DMD: variants seen among roughly 807,000 people sequenced by gnomAD.
DMD encodes the protein dystrophin, also known as mutant dystrophin.
In DMD, 63 loss-of-function variants were observed where a neutral mutation model predicts 330.1. The ratio of observed to expected loss-of-function variants is 0.19; its 90% CI spans 0.16 to 0.24. DMD has a LOEUF of 0.24. Among genes scored for constraint, DMD ranks in the 10% least tolerant of loss-of-function variants. DMD has a pLI of 1.00. For synonymous variants in DMD, 1,223 were observed against 959.8 expected, an observed-to-expected ratio of 1.27 and a Z score of -5.07; for missense variants, 3,344 against 2,684.1, an observed-to-expected ratio of 1.25 and a Z score of -5.43.
intron 1 of DMD, among the ~76,000 whole-genome samples, chrX:33,335,267 C>CAT (rs763433683): frequency 4.6e-5 from 5 of 108,213 alleles, no homozygotes; most frequent in Non-Finnish European, 9.6e-5. Flanking sequence ...CCATACCTAT[C>CAT]ATATATATAC....
At chrX:31,918,473 G>A (rs1051316238) in intron 47 of DMD, among the ~76,000 whole-genome samples, 1 of 111,044 alleles carries the variant, frequency 9.0e-6, no homozygotes, top group African/African-American at 3.3e-5. Flanking sequence ...GAATATTTGA[G>A]GCCACGTTGG....
At chrX:32,308,197 T>C (rs2097547782) in intron 42 of DMD, among the ~76,000 whole-genome samples, 1 of 111,074 alleles carries the variant, frequency 9.0e-6, no homozygotes, top group African/African-American at 3.3e-5. Flanking sequence ...TTAGTTGTAT[T>C]TTGTTTAGAA....
At chrX:32,491,941 T>A (rs746346070) in intron 19 of DMD, among the ~76,000 whole-genome samples, 1 of 112,071 alleles carries the variant, frequency 8.9e-6, no homozygotes, top group East Asian at 2.8e-4. Flanking sequence ...ATTTTTAATT[T>A]TAAAAATGGG....
chrX:32,831,697 T>TGTGA (rs2079169693), intron 4 of DMD, among the ~76,000 whole-genome samples: 2 of 101,693 alleles, frequency 2.0e-5, no homozygotes, highest in African/African-American at 7.2e-5. Flanking sequence ...TGTGTGTGTG[T>TGTGA]GATGTGTGGT....
chrX:32,789,167 T>C (rs1158952708), intron 7 of DMD, among the ~76,000 whole-genome samples: 1 of 112,130 alleles, frequency 8.9e-6, no homozygotes, highest in African/African-American at 3.2e-5. Context: ...GGCAAGTTTC[T>C]TAATCCTAAA....
At position 33,139,880 on chromosome X, in the gene DMD, A is replaced by T. The variant is rs765095505; in HGVS notation, c.31+71402T>A. Among the ~76,000 whole-genome samples the T allele has an allele frequency of 7.6e-3, 816 of 108,030 alleles. 6 individuals carry two copies. Among genetic ancestry groups the T allele is most frequent in the Non-Finnish European group, 9.1e-3 (478 of 52,425 alleles). The allele number at this position is 108,030 out of a possible 115,157, so 93.8% of individuals were successfully genotyped here. On this transcript the variant is annotated intron_variant, in intron 1 of 78. Coordinates refer to ENST00000357033, the MANE Select transcript of DMD (RefSeq NM_004006.3). ...ACAGCCCCATCGCTAAAAAAAAAAA[A>T]AAAAAAAAAAAAAAAATGTCTAATC...
intron 30 of DMD, among the ~76,000 whole-genome samples, chrX:32,401,097 T>C (rs1245049149): frequency 1.9e-5 from 2 of 103,346 alleles, no homozygotes; most frequent in South Asian, 4.5e-4. Flanking sequence ...AACCAAACAC[T>C]GCATGTTCTC....
chrX:31,317,351 A>T (rs1002357640), intron 62 of DMD, among the ~76,000 whole-genome samples: 34 of 111,304 alleles, frequency 3.1e-4, no homozygotes, highest in Non-Finnish European at 4.3e-4. Flanking sequence ...AATATACATA[A>T]GAAGGATCTT....
At chrX:31,407,350 G>A (rs1283977819) in intron 60 of DMD, among the ~76,000 whole-genome samples, 3 of 110,208 alleles carry the variant, frequency 2.7e-5, no homozygotes, top group Non-Finnish European at 5.7e-5. Context: ...ATTTTTAGTA[G>A]AGACAGGGTT....
At chrX:32,826,223 T>G (rs1048444259) in intron 4 of DMD, among the ~76,000 whole-genome samples, 3 of 111,807 alleles carry the variant, frequency 2.7e-5, no homozygotes, top group African/African-American at 9.8e-5. Context: ...AAAGGAATCT[T>G]TGCACAGTGT....
chrX:31,618,041 A>G (rs2078310750), intron 55 of DMD, among the ~76,000 whole-genome samples: 1 of 111,111 alleles, frequency 9.0e-6, no homozygotes, highest in Non-Finnish European at 1.9e-5. Flanking sequence ...ATGAACACAA[A>G]GAAGGGAACA....
chrX:32,560,602 G>A (rs1158143682), intron 16 of DMD, among the ~76,000 whole-genome samples: 1 of 110,650 alleles, frequency 9.0e-6, no homozygotes, highest in African/African-American at 3.3e-5. Flanking sequence ...TCCTCTCCCA[G>A]CAACAGGCCC....
chrX:32,690,487 G>A (rs1339471112), intron 9 of DMD, among the ~76,000 whole-genome samples: 3 of 111,248 alleles, frequency 2.7e-5, no homozygotes, highest in Non-Finnish European at 5.7e-5. Flanking sequence ...CAGAAACAGA[G>A]AAAAACTCTG....
intron 67 of DMD, among the ~76,000 whole-genome samples, chrX:31,192,187 A>T (rs772340541): frequency 8.9e-6 from 1 of 112,400 alleles, no homozygotes; most frequent in Non-Finnish European, 1.9e-5. Flanking sequence ...GCTGTAAAGA[A>T]TATTAATGAC....
At chrX:33,058,940 T>C (rs2094550636) in intron 1 of DMD, among the ~76,000 whole-genome samples, 1 of 111,921 alleles carries the variant, frequency 8.9e-6, no homozygotes, top group Non-Finnish European at 1.9e-5. Flanking sequence ...TATTGATATG[T>C]ATGAGTTTAT....
rs186286981 is a variant in DMD at position 32,065,560 on chromosome X, T to C, written c.6439-97046A>G. 1.7e-3 allele frequency among the ~76,000 whole-genome samples: 193 copies of C among 112,060 alleles called. 1 individual carries two copies. Among genetic ancestry groups the C allele is most frequent in the African/African-American group, 5.9e-3 (183 of 31,020 alleles). ...TATCAACATATCCTGTATTTGAAAG[T>C]GACATTTAACTTAATAACACAGACA... is the stretch of plus-strand genomic sequence containing the variant. On this transcript the variant is annotated intron_variant, in intron 44 of 78. Transcript: ENST00000357033.
intron 51 of DMD, among the ~76,000 whole-genome samples, chrX:31,750,154 T>C (rs999348288): frequency 1.6e-3 from 179 of 110,507 alleles, no homozygotes; most frequent in Non-Finnish European, 3.1e-3. Flanking sequence ...TTTAGTTAGA[T>C]CCCATTTGTC....
At chrX:31,766,899 G>GTA (rs1169065298) in intron 51 of DMD, among the ~76,000 whole-genome samples, 9 of 110,382 alleles carry the variant, frequency 8.2e-5, no homozygotes, top group African/African-American at 3.0e-4. Context: ...GTGTGTGTGT[G>GTA]TGTTTGCAAC....
chrX:31,142,261 G>T lies in DMD; in HGVS notation c.10921+4030C>A, dbSNP rs868636243. ...ATATCTTTCATTTTAGAAGGCACGT[G>T]TTCAAGTGTTTAGGGGTGAAGTGTT... is the stretch of plus-strand genomic sequence containing the variant. On this transcript the variant is annotated intron_variant, in intron 76 of 78. Coordinates refer to ENST00000357033, the MANE Select transcript of DMD (RefSeq NM_004006.3). Among the ~76,000 whole-genome samples the T allele has an allele frequency of 3.6e-5, 4 of 111,693 alleles. No homozygotes were observed. The Admixed American group carries it at 3.8e-4, about 11-fold the overall frequency.
Sources: allele counts gnomAD v4.1 joint callset (sites outside exome capture counted in the v4.1 genomes callset), GRCh38; gene constraint gnomAD v4.1.1; transcripts MANE v1.5; gene names NCBI Gene and HGNC (gene_info 2026-07-23, HGNC 2026-07-21).